PCDHGB3: variants seen among roughly 807,000 people sequenced by gnomAD.
The protein encoded by PCDHGB3 is protocadherin gamma subfamily B, 3.
In PCDHGB3, 40 loss-of-function variants were observed where a neutral mutation model predicts 59.2. The ratio of observed to expected loss-of-function variants is 0.68; its 90% CI spans 0.52 to 0.88. PCDHGB3 has a LOEUF of 0.88. PCDHGB3 is among the 40% of genes least tolerant of loss of function. The pLI, the probability that PCDHGB3 is intolerant of heterozygous loss-of-function variation, is 0.00. For missense variants in PCDHGB3, 1,309 were observed against 1,187.9 expected, an observed-to-expected ratio of 1.10 and a Z score of -1.50; for synonymous variants, 581 against 503.6, an observed-to-expected ratio of 1.15 and a Z score of -2.06.
In PCDHGB3 at chr5:141,418,448, C is replaced by T. The variant is rs1240295197; in HGVS notation, c.2415+45639C>T. On this transcript the variant is annotated intron_variant, in intron 1 of 3. Transcript: ENST00000576222. ...TGGCAAATATCCAGAATTAGTATTG[C>T]AGAAGACTCTGGACCGAGAAACGCA... 1.9e-6 allele frequency: 3 copies of T among 1,613,850 alleles called. No homozygotes were observed. The African/African-American group carries it at 4.0e-5, about 22-fold the overall frequency.
intron 1 of PCDHGB3, chr5:141,393,190 T>C: frequency 6.2e-7 from 1 of 1,613,384 alleles, no homozygotes; most frequent in Non-Finnish European, 8.5e-7. Flanking sequence ...ATAATTGATA[T>C]TAACGATAAT....
chr5:141,400,376 T>C (rs534277122), intron 1 of PCDHGB3: 1 of 1,614,070 alleles, frequency 6.2e-7, no homozygotes, highest in East Asian at 2.2e-5. Flanking sequence ...TCCTACAACC[T>C]ATGTGTTGCA....
At chr5:141,393,284 T>C (rs1462333832) in intron 1 of PCDHGB3, 10 of 1,613,870 alleles carry the variant, frequency 6.2e-6, no homozygotes, top group African/African-American at 2.7e-5. Flanking sequence ...TCCCAGAAGC[T>C]GTTGACCCGG....
rs373048330 is a variant in PCDHGB3 at position 141,384,937 on chromosome 5, C to A, written c.2415+12128C>A. On this transcript the variant is annotated intron_variant, in intron 1 of 3. Coordinates refer to ENST00000576222, the MANE Select transcript of PCDHGB3 (RefSeq NM_018924.5). Reference sequence around the variant, plus strand: ...CTTGGCCGACCTGGGCAGCCTTGAGCCCTCCGACGGTCCTTACAACTATGA... The same window carrying A: ...CTTGGCCGACCTGGGCAGCCTTGAGACCTCCGACGGTCCTTACAACTATGA... The A allele has an allele frequency of 1.6e-4, 255 of 1,614,068 alleles. 1 individual carries two copies. The South Asian group carries it at 2.7e-3, about 17-fold the overall frequency.
At chr5:141,467,846 A>G (rs984687278) in intron 1 of PCDHGB3, among the ~76,000 whole-genome samples, 2 of 151,926 alleles carry the variant, frequency 1.3e-5, no homozygotes, top group Non-Finnish European at 2.9e-5. Context: ...TTTTTGTAGA[A>G]TGAGATTTCA....
intron 1 of PCDHGB3, chr5:141,375,115 A>G (rs987989099): frequency 1.2e-6 from 2 of 1,613,958 alleles, no homozygotes; most frequent in Non-Finnish European, 1.7e-6. Flanking sequence ...ATGATAATGT[A>G]CCAGAAGTGG....
Position 141,387,745 on chromosome 5 carries a change from C to T in PCDHGB3, c.2415+14936C>T, listed in dbSNP as rs933790239. On this transcript the variant is annotated intron_variant, in intron 1 of 3. Coordinates refer to ENST00000576222, the MANE Select transcript of PCDHGB3 (RefSeq NM_018924.5). ...CCCAGCGCCAGCCTTTACACCGCTT[C>T]CTCCTCGGAAAAAGAAGAATTTTTT... 4 of 1,355,066 alleles carry T rather than the reference C, an allele frequency of 3.0e-6. No homozygotes were observed. In the Admixed American group the frequency reaches 8.1e-5, roughly 28 times the overall value. 83.9% of individuals were successfully genotyped at this position (1,355,066 alleles called of 1,614,324 possible).
chr5:141,421,695 T>C (rs374319762), intron 1 of PCDHGB3: 15 of 1,613,840 alleles, frequency 9.3e-6, no homozygotes, highest in Non-Finnish European at 1.2e-5. Context: ...TTGCTCTTCC[T>C]AATGCTAGGG....
chr5:141,469,476 G>A (rs2154570344), intron 1 of PCDHGB3, among the ~76,000 whole-genome samples: 1 of 152,246 alleles, frequency 6.6e-6, no homozygotes, highest in South Asian at 2.1e-4. Context: ...TCGGGAGGCT[G>A]AGGCAGGAGA....
chr5:141,477,433 C>T lies in PCDHGB3; in HGVS notation c.2416-17374C>T, dbSNP rs1389102640. On this transcript the variant is annotated intron_variant, in intron 1 of 3. Transcript: ENST00000576222. The surrounding 1 kb of genome is among the most constrained non-coding windows in gnomAD (Gnocchi z 4.9). ...ACGCCGGAACCCCTTCCCTCTCAGCCCTTACAATAGTGCGTGTTCAAGTGT... is the reference window on the plus strand; with the variant it reads ...ACGCCGGAACCCCTTCCCTCTCAGCTCTTACAATAGTGCGTGTTCAAGTGT... 6.2e-7 allele frequency: 1 copy of T among 1,614,048 alleles called. No individual in the cohort carries two copies. The highest frequency in any genetic ancestry group is 2.2e-5 in the East Asian group (1 of 44,892).
intron 1 of PCDHGB3, chr5:141,389,477 G>C (rs761615943): frequency 1.9e-6 from 3 of 1,613,174 alleles, no homozygotes; most frequent in Non-Finnish European, 2.5e-6. Flanking sequence ...TCACACTGCA[G>C]GCCCGCGACC....
At chr5:141,510,132 G>A (rs920772998) in intron 3 of PCDHGB3, among the ~76,000 whole-genome samples, 2 of 152,120 alleles carry the variant, frequency 1.3e-5, no homozygotes, top group African/African-American at 4.8e-5. Context: ...AAATTAGCTG[G>A]GCTAGTGGTG....
At position 141,487,571 on chromosome 5, in the gene PCDHGB3, G is replaced by A; in HGVS notation, c.2416-7236G>A. The A allele has an allele frequency of 4.3e-6, 7 of 1,614,178 alleles. No individual in the cohort carries two copies. The highest frequency in any genetic ancestry group is 5.9e-6 in the Non-Finnish European group (7 of 1,180,038). On this transcript the variant is annotated intron_variant, in intron 1 of 3. Coordinates refer to ENST00000576222, the MANE Select transcript of PCDHGB3 (RefSeq NM_018924.5). This position sits in a 1 kb window ranked among gnomAD's most constrained non-coding sequence, Gnocchi z 5.0. ...CAGTGCACCTATGGCAGGGGAGCCTGTTCGCCCAAGCTGCCCACCCTCTGA... is the reference window on the plus strand; with the variant it reads ...CAGTGCACCTATGGCAGGGGAGCCTATTCGCCCAAGCTGCCCACCCTCTGA...
At chr5:141,458,735 A>G (rs2098952642) in intron 1 of PCDHGB3, among the ~76,000 whole-genome samples, 1 of 148,560 alleles carries the variant, frequency 6.7e-6, no homozygotes, top group East Asian at 2.0e-4. Context: ...ACATCCAGCT[A>G]TTGGTTTTGG....
chr5:141,457,429 C>G (rs73280316), intron 1 of PCDHGB3, among the ~76,000 whole-genome samples: 1,780 of 152,292 alleles, frequency 0.012, 30 homozygotes, highest in African/African-American at 0.04. Context: ...TTTTCCCCCC[C>G]ACCAAGCTGC....
At position 141,372,291 on chromosome 5, in the gene PCDHGB3, G is replaced by C. The variant is rs1370699746; in HGVS notation, c.1897G>C (p.Gly633Arg). 2.5e-6 allele frequency: 4 copies of C among 1,613,302 alleles called. No individual in the cohort carries two copies. In the Admixed American group the frequency reaches 6.7e-5, roughly 27 times the overall value. Residue 633 changes from glycine to arginine, a missense_variant, in exon 1 of 4, where the codon GGC becomes CGC. By Grantham distance (125) the Gly-to-Arg change is moderately radical. Transcript: ENST00000576222. ...TGAGGTGCGCACGGCGCGTACCTTG[G>C]GCGACAGGGAGGCCGCCCGCCAGCG... The part of the protein sequence containing the change: ...TGEVRTARTL[G>R]DREAARQRLL...
intron 1 of PCDHGB3, among the ~76,000 whole-genome samples, chr5:141,379,866 T>A (rs1199183265): frequency 1.3e-5 from 2 of 149,428 alleles, no homozygotes; most frequent in Non-Finnish European, 3.0e-5. Context: ...GTCTTATTCT[T>A]ATTTTATGGT....
chr5:141,422,777 C>CCCTACAAT, intron 1 of PCDHGB3: 2 of 1,613,982 alleles, frequency 1.2e-6, no homozygotes, highest in Non-Finnish European at 1.7e-6. Context: ...GTTCTCTATG[C>CCCTACAAT]CCTACAATCC....
intron 1 of PCDHGB3, among the ~76,000 whole-genome samples, chr5:141,454,266 C>T (rs2098785508): frequency 1.3e-5 from 2 of 152,132 alleles, no homozygotes; most frequent in African/African-American, 4.8e-5. Flanking sequence ...AAAGTAATGC[C>T]AGCAAAAACT....
Sources: allele counts gnomAD v4.1 joint callset (sites outside exome capture counted in the v4.1 genomes callset), GRCh38; gene constraint gnomAD v4.1.1; non-coding constraint Gnocchi (gnomAD v3.1); transcripts MANE v1.5; gene names NCBI Gene and HGNC (gene_info 2026-07-23, HGNC 2026-07-21).